KIR3DL1: variants seen among roughly 807,000 people sequenced by gnomAD.
KIR3DL1 encodes killer cell immunoglobulin like receptor, three Ig domains and long cytoplasmic tail 1, also known as killer cell immunoglobulin-like receptor 3DL1.
Under a neutral mutation model 40.3 loss-of-function variants are expected in KIR3DL1, and 50 were observed. That is an observed-to-expected ratio of 1.24 (90% CI 0.99 to 1.57). The LOEUF (loss-of-function observed/expected upper bound fraction) is 1.57. KIR3DL1 is among the 40% of genes most tolerant of loss of function. The pLI is 0.00. For synonymous variants in KIR3DL1, 257 were observed against 207.2 expected (o/e 1.24, Z -2.07); for missense variants, 661 against 559.9 (o/e 1.18, Z -1.82).
chr19:54,817,889 C>T (rs1302458015), intron 2 of KIR3DL1, among the ~76,000 whole-genome samples: 2 of 146,932 alleles, frequency 1.4e-5, no homozygotes, highest in Non-Finnish European at 3.0e-5. Flanking sequence ...CACCCTCCAG[C>T]GTTTCCGTGA....
intron 5 of KIR3DL1, among the ~76,000 whole-genome samples, chr19:54,823,407 C>T (rs865888333): frequency 6.6e-6 from 1 of 151,354 alleles, no homozygotes; most frequent in African/African-American, 2.4e-5. Context: ...TTCCTACCAA[C>T]AGGGTACCAG....
chr19:54,817,419 G>A, intron 1 of KIR3DL1, 115 bp from the exon 2 acceptor site: 1 of 889,538 alleles, frequency 1.1e-6, no homozygotes, highest in South Asian at 1.3e-5. Context: ...CAGCGAGGGT[G>A]AGTTTACCTT....
intron 4 of KIR3DL1, among the ~76,000 whole-genome samples, chr19:54,821,337 C>T (rs1204974748): frequency 6.6e-6 from 1 of 150,786 alleles, no homozygotes; most frequent in East Asian, 1.9e-4. Flanking sequence ...GAGAATAAAA[C>T]AATCCAAAAA....
intron 7 of KIR3DL1, among the ~76,000 whole-genome samples, 190 bp from the exon 8 acceptor site, chr19:54,829,738 A>C (rs367776851): frequency 3.0e-4 from 42 of 140,312 alleles, no homozygotes; most frequent in Non-Finnish European, 6.3e-5. Context: ...GACAGAATCA[A>C]TGGGATGGGA....
Position 54,820,889 on chromosome 19 carries a change from G to A in KIR3DL1, c.656-676G>A, listed in dbSNP as rs532830703. ...GAGAGGCAGAGAAAGACAAGGAGACGGAGAGAGAGAGATGATAGATGGATA... is the reference window on the plus strand; with the variant it reads ...GAGAGGCAGAGAAAGACAAGGAGACAGAGAGAGAGAGATGATAGATGGATA... On this transcript the variant is annotated intron_variant, in intron 4 of 8. Coordinates refer to ENST00000391728, the Ensembl canonical transcript of KIR3DL1. Among the ~76,000 whole-genome samples, 46 of 151,066 alleles carry A rather than the reference G, an allele frequency of 3.0e-4. 1 individual carries two copies. The highest frequency in any genetic ancestry group is 9.2e-4 in the Admixed American group (14 of 15,176).
At chr19:54,821,491 G>C in intron 4 of KIR3DL1, 74 bp from the exon 5 acceptor site, 1 of 1,500,436 alleles carries the variant, frequency 6.7e-7, no homozygotes, top group Admixed American at 2.0e-5. Context: ...AGGGGAGTGA[G>C]TTCTCAGCTC....
At chr19:54,821,224 A>AGATCGATAGAT (rs371387705) in intron 4 of KIR3DL1, among the ~76,000 whole-genome samples, 1 of 148,576 alleles carries the variant, frequency 6.7e-6, no homozygotes, top group Admixed American at 6.8e-5. Context: ...CAAAATAGAT[A>AGATCGATAGAT]AATAGATAGA....
At position 54,828,083 on chromosome 19, in the gene KIR3DL1, T is replaced by G. The variant is rs1374711643; in HGVS notation, c.1001-1278T>G. On this transcript the variant is annotated intron_variant, in intron 6 of 8. Coordinates refer to ENST00000391728, the Ensembl canonical transcript of KIR3DL1. ...TTGAAGCAATAGATAGTCGAGGGGG[T>G]GGTCCTTCCCCCAGCCTCTGAGGTA... is the stretch of plus-strand genomic sequence containing the variant. 1.3e-5 allele frequency among the ~76,000 whole-genome samples: 2 copies of G among 150,426 alleles called. 1 individual carries two copies. Among genetic ancestry groups the G allele is most frequent in the Non-Finnish European group, 2.9e-5 (2 of 67,842 alleles).
Position 54,821,645 on chromosome 19 carries a change from TC to T in KIR3DL1, c.739del (p.Arg247GlyfsTer96). 4 of 1,609,448 alleles carry T rather than the reference TC, an allele frequency of 2.5e-6. No individual in the cohort carries two copies. Among genetic ancestry groups the T allele is most frequent in the Non-Finnish European group, 3.4e-6 (4 of 1,177,888 alleles). On this transcript the variant is annotated frameshift_variant, in exon 5 of 9. Transcript: ENST00000391728. LOFTEE classifies it high-confidence loss of function. ...AGAGAGCGTGACCTTGTCCTGTAGC[TC>T]CCGGAGCTCCTATGACATGTACCAT...
chr19:54,817,421 G>T, intron 1 of KIR3DL1, 113 bp from the exon 2 acceptor site: 1 of 934,780 alleles, frequency 1.1e-6, no homozygotes. Context: ...GCGAGGGTGA[G>T]TTTACCTTCA....
At chr19:54,821,391 G>A (rs2061626258) in intron 4 of KIR3DL1, among the ~76,000 whole-genome samples, 174 bp from the exon 5 acceptor site, 2 of 151,224 alleles carry the variant, frequency 1.3e-5, no homozygotes, top group Admixed American at 1.3e-4. Context: ...CATAGACCTA[G>A]AGAGACAGAA....
exon 3 of KIR3DL1, chr19:54,818,411 A>T: frequency 6.2e-7 from 1 of 1,607,480 alleles, no homozygotes; most frequent in Non-Finnish European, 8.5e-7. Context: ...CATAGGTTTA[A>T]CAATTTCATG....
chr19:54,819,751 C>T (rs762178831), exon 4 of KIR3DL1: 3 of 1,610,182 alleles, frequency 1.9e-6, no homozygotes, highest in South Asian at 2.2e-5. Flanking sequence ...CCACCCAGGT[C>T]CCCTGGTGAA....
At chr19:54,819,986 G>A in exon 4 of KIR3DL1, 3 of 1,611,094 alleles carry the variant, frequency 1.9e-6, no homozygotes, top group East Asian at 2.2e-5. Context: ...TCAGCTCCCA[G>A]TGATCCCCTG....
chr19:54,827,794 T>C (rs1039922114), intron 6 of KIR3DL1, among the ~76,000 whole-genome samples: 2 of 150,552 alleles, frequency 1.3e-5, no homozygotes, highest in African/African-American at 5.0e-5. Context: ...CATGAGATCA[T>C]ATAGAAAATG....
At chr19:54,819,051 A>T (rs1389496598) in intron 3 of KIR3DL1, among the ~76,000 whole-genome samples, 4 of 151,088 alleles carry the variant, frequency 2.6e-5, no homozygotes, top group Admixed American at 2.6e-4. Context: ...GTGGCCTCTA[A>T]GGGCTGGAGA....
intron 6 of KIR3DL1, among the ~76,000 whole-genome samples, chr19:54,825,701 T>A (rs1363209748): frequency 4.7e-5 from 7 of 148,976 alleles, no homozygotes; most frequent in Admixed American, 2.7e-4. Context: ...TAGCTCAAAG[T>A]AGGAAGTGCA....
At chr19:54,826,934 C>G (rs1383569117) in intron 6 of KIR3DL1, among the ~76,000 whole-genome samples, 1 of 151,784 alleles carries the variant, frequency 6.6e-6, no homozygotes, top group Non-Finnish European at 1.5e-5. Flanking sequence ...TTGACACTCA[C>G]AGCCATTGGA....
Position 54,829,988 on chromosome 19 carries a change from C to T in KIR3DL1, c.1158+8C>T, listed in dbSNP as rs2062133256. 6.5e-7 allele frequency: 1 copy of T among 1,528,890 alleles called. No homozygotes were observed. The highest frequency in any genetic ancestry group is 8.9e-7 in the Non-Finnish European group (1 of 1,125,274). 94.7% of individuals were successfully genotyped at this position (1,528,890 alleles called of 1,614,324 possible). On this transcript the variant is annotated splice_region_variant and intron_variant, in intron 8 of 8. Transcript: ENST00000391728. The stretch of plus-strand genomic sequence containing the variant: ...AGAACAGCCAACAGCGAGGTAGGTG[C>T]TCCTCGGCCCAGCCTCGTGGCTAGT...
Sources: allele counts gnomAD v4.1 joint callset (sites outside exome capture counted in the v4.1 genomes callset), GRCh38; gene constraint gnomAD v4.1.1; transcripts MANE v1.5; gene names NCBI Gene and HGNC (gene_info 2026-07-23, HGNC 2026-07-21).